Variants in FRMPD4 observed in about 807,000 individuals in gnomAD.
FRMPD4 encodes FERM and PDZ domain containing 4, also known as FERM and PDZ domain-containing protein 4.
FRMPD4 carries 22 observed loss-of-function variants against 94.1 expected under a neutral mutation model. That is an observed-to-expected ratio of 0.23 (90% CI 0.17 to 0.33). The LOEUF (loss-of-function observed/expected upper bound fraction) is 0.33, where lower values mean the gene tolerates loss of function less well. Ranked by LOEUF, FRMPD4 falls within the 10% of genes least tolerant of loss-of-function variation. FRMPD4 has a pLI of 1.00. For synonymous variants in FRMPD4, 631 were observed against 548.6 expected (o/e 1.15, Z -2.10); for missense variants, 1,111 against 1,339.9 (o/e 0.83, Z 2.67).
At chrX:12,664,804 T>C (rs191118629) in intron 4 of FRMPD4, among the ~76,000 whole-genome samples, 6 of 112,050 alleles carry the variant, frequency 5.4e-5, no homozygotes, top group African/African-American at 1.6e-4. Flanking sequence ...GTAACTCCGA[T>C]AGAATTTGGC....
chrX:11,992,009 C>G (rs1010926557), intron 3 of FRMPD4, among the ~76,000 whole-genome samples: 4 of 111,738 alleles, frequency 3.6e-5, no homozygotes, highest in Non-Finnish European at 7.5e-5. Context: ...ATCCAGATCA[C>G]AGGGAACCAT....
In FRMPD4 at chrX:12,720,734, G is replaced by A. The variant is rs1000609985; in HGVS notation, c.4165G>A (p.Gly1389Arg). The change falls in exon 17 of 17, where the codon GGG (glycine) becomes AGG (arginine). Residue 1389 changes from glycine to arginine, a missense_variant. This residue lies in a region of FRMPD4 where 551 missense variants were observed against 591.6 expected (regional missense o/e 0.93). Transcript: ENST00000675598. ...AVSWRPPDLR[G>R]GSLRTPPSQK... The stretch of plus-strand genomic sequence containing the variant: ...GAGCTGGCGGCCACCGGATCTGAGA[G>A]GGGGGAGCCTCAGGACACCTCCCAG... The A allele has an allele frequency of 4.3e-5, 46 of 1,061,199 alleles. No individual in the cohort carries two copies. The highest frequency in any genetic ancestry group is 5.0e-5 in the Non-Finnish European group (41 of 825,852). 87.5% of individuals were successfully genotyped at this position (1,061,199 alleles called of 1,213,427 possible).
intron 2 of FRMPD4, among the ~76,000 whole-genome samples, chrX:12,507,578 TGA>T (rs1019941943): frequency 9.8e-5 from 11 of 112,097 alleles, no homozygotes; most frequent in South Asian, 7.5e-4. Flanking sequence ...TCCCATGAAA[TGA>T]GGAGCTGACA....
At chrX:12,667,637 G>T (rs1602289927) in intron 4 of FRMPD4, among the ~76,000 whole-genome samples, 1 of 112,536 alleles carries the variant, frequency 8.9e-6, no homozygotes, top group East Asian at 2.8e-4. Flanking sequence ...CTCATTGGAA[G>T]CTGGGCTTCT....
At chrX:12,287,426 A>G (rs2054617198) in intron 1 of FRMPD4, among the ~76,000 whole-genome samples, 1 of 111,950 alleles carries the variant, frequency 8.9e-6, no homozygotes, top group Non-Finnish European at 1.9e-5. Flanking sequence ...GAATTTGCAG[A>G]TTGACAGCAG....
At chrX:12,197,621 T>G (rs1171106949) in intron 1 of FRMPD4, among the ~76,000 whole-genome samples, 1 of 111,793 alleles carries the variant, frequency 8.9e-6, no homozygotes, top group East Asian at 2.8e-4. Context: ...CTTTCTTGAG[T>G]GTGTGTTGAA....
At chrX:12,555,360 C>G (rs1311990192) in intron 2 of FRMPD4, among the ~76,000 whole-genome samples, 1 of 111,342 alleles carries the variant, frequency 9.0e-6, no homozygotes, top group Non-Finnish European at 1.9e-5. Context: ...GTTTTATGCT[C>G]TTATAGCTGT....
intron 3 of FRMPD4, among the ~76,000 whole-genome samples, chrX:12,069,727 A>G (rs1026463242): frequency 8.9e-6 from 1 of 111,770 alleles, no homozygotes; most frequent in African/African-American, 3.3e-5. Context: ...TGAGACTGAG[A>G]GAGATTCACC....
At chrX:12,443,077 A>G (rs1278986581) in intron 1 of FRMPD4, among the ~76,000 whole-genome samples, 1 of 111,311 alleles carries the variant, frequency 9.0e-6, no homozygotes, top group East Asian at 2.8e-4. Flanking sequence ...AGTGGGCTGC[A>G]GGGAGGGGAG....
At chrX:12,580,967 T>G (rs2058858880) in intron 2 of FRMPD4, among the ~76,000 whole-genome samples, 1 of 112,220 alleles carries the variant, frequency 8.9e-6, no homozygotes, top group South Asian at 3.7e-4. Context: ...ATTTAATATT[T>G]TTGGACTGCA....
At chrX:12,027,184 A>G (rs1214403033) in intron 3 of FRMPD4, among the ~76,000 whole-genome samples, 1 of 112,257 alleles carries the variant, frequency 8.9e-6, no homozygotes, top group Non-Finnish European at 1.9e-5. Flanking sequence ...GTTTACTTGC[A>G]AAAACGAAGT....
At chrX:12,460,213 C>G (rs1286484183) in intron 1 of FRMPD4, among the ~76,000 whole-genome samples, 1 of 111,608 alleles carries the variant, frequency 9.0e-6, no homozygotes, top group Non-Finnish European at 1.9e-5. Flanking sequence ...TGTGGCTTGC[C>G]TTTTGTTTTC....
chrX:11,880,923 G>A (rs151127315), intron 3 of FRMPD4, among the ~76,000 whole-genome samples: 44 of 112,309 alleles, frequency 3.9e-4, no homozygotes, highest in South Asian at 7.4e-4. Flanking sequence ...GATTACAGGC[G>A]TGAGCCACTG....
rs182091229 is a variant in FRMPD4 at position 12,182,407 on chromosome X, C to T, written c.41+43395C>T. ...CATATTTATATTCTTAACATGAGCA[C>T]GTTTAAAATGATCTGTCAAGATTCT... On this transcript the variant is annotated intron_variant, in intron 1 of 16. Transcript: ENST00000675598. Among the ~76,000 whole-genome samples the T allele has an allele frequency of 7.5e-3, 832 of 110,464 alleles. 5 individuals are homozygous for T. The highest frequency in any genetic ancestry group is 0.025 in the African/African-American group (761 of 30,340).
intron 3 of FRMPD4, among the ~76,000 whole-genome samples, chrX:12,024,121 A>G (rs2054646494): frequency 9.0e-6 from 1 of 111,575 alleles, no homozygotes; most frequent in African/African-American, 3.3e-5. Flanking sequence ...CATTTCTTTT[A>G]TCTATAATCT....
chrX:11,985,736 A>G (rs2054426176), intron 3 of FRMPD4, among the ~76,000 whole-genome samples: 1 of 111,439 alleles, frequency 9.0e-6, no homozygotes, highest in Non-Finnish European at 1.9e-5. Context: ...GTTTTAAGTG[A>G]ACATTGGCAG....
intron 1 of FRMPD4, among the ~76,000 whole-genome samples, chrX:12,157,971 C>T (rs952003399): frequency 3.6e-5 from 4 of 111,726 alleles, no homozygotes; most frequent in East Asian, 2.8e-4. Context: ...TGTGTGTATA[C>T]ACTTGCTCAT....
In FRMPD4 at chrX:12,716,696, A is replaced by G. The variant is rs1386757052; in HGVS notation, c.2237A>G (p.Asp746Gly). Residue 746 changes from aspartate to glycine, a missense_variant, in exon 15 of 17, where the codon GAT becomes GGT. Coordinates refer to ENST00000675598, the MANE Select transcript of FRMPD4 (RefSeq NM_001368397.1). ...LHDICYAENTDDAEDEDEVSC... is the reference protein window; with the variant it reads ...LHDICYAENTGDAEDEDEVSC... ...GACATCTGTTATGCAGAAAACACTGATGACGCGGAGGACGAGGACGAGGTG... is the reference window on the plus strand; with the variant it reads ...GACATCTGTTATGCAGAAAACACTGGTGACGCGGAGGACGAGGACGAGGTG... 1 of 1,211,329 alleles carries G rather than the reference A, an allele frequency of 8.3e-7. No individual in the cohort carries two copies. The highest frequency in any genetic ancestry group is 3.0e-5 in the East Asian group (1 of 33,842).
At chrX:12,278,934 G>A (rs1424429156) in intron 1 of FRMPD4, among the ~76,000 whole-genome samples, 1 of 112,036 alleles carries the variant, frequency 8.9e-6, no homozygotes, top group Non-Finnish European at 1.9e-5. Flanking sequence ...ATTTTATTTT[G>A]TAATCTGGGA....
Sources: gnomAD v4.1 joint callset for allele counts (sites outside exome capture counted in the v4.1 genomes callset) on GRCh38, gnomAD v4.1.1 for gene constraint, gnomAD v4.1.1 regional missense constraint, MANE v1.5 for transcripts, NCBI Gene and HGNC (gene_info 2026-07-23, HGNC 2026-07-21) for gene names.